NFIB: variants seen among roughly 807,000 people sequenced by gnomAD.
The protein encoded by NFIB is nuclear factor I B, also known as nuclear factor 1 B-type.
Under a neutral mutation model 61.5 loss-of-function variants are expected in NFIB, and 11 were observed. The ratio of observed to expected loss-of-function variants is 0.18; its 90% CI spans 0.11 to 0.30. The LOEUF (loss-of-function observed/expected upper bound fraction) is 0.30, where lower values mean the gene tolerates loss of function less well. NFIB is among the 10% of genes least tolerant of loss of function. The pLI, the probability that NFIB is intolerant of heterozygous loss-of-function variation, is 1.00. For synonymous variants in NFIB, 260 were observed against 216.5 expected (o/e 1.20, Z -1.76); for missense variants, 471 against 608.9 (o/e 0.77, Z 2.38).
intron 3 of NFIB, among the ~76,000 whole-genome samples, chr9:14,159,365 C>A (rs2043864257): frequency 6.6e-6 from 1 of 152,140 alleles, no homozygotes; most frequent in South Asian, 2.1e-4. Context: ...TCTTTGGAAC[C>A]TACTGGATAA....
the NFIB span, among the ~76,000 whole-genome samples, chr9:14,490,892 G>A: frequency 2.0e-5 from 3 of 152,146 alleles, no homozygotes; most frequent in African/African-American, 7.2e-5. Context: ...TGTAACCCTA[G>A]TTTTATACCC....
intron 10 of NFIB, chr9:14,096,221 A>G (rs921256794): frequency 2.0e-5 from 3 of 152,136 alleles, no homozygotes; most frequent in Admixed American, 6.6e-5. Flanking sequence ...GGGGTTTAAT[A>G]TACTTCCTTT....
chr9:14,140,587 T>C (rs1177906808), intron 6 of NFIB, among the ~76,000 whole-genome samples: 1 of 152,236 alleles, frequency 6.6e-6, no homozygotes, highest in Non-Finnish European at 1.5e-5. Flanking sequence ...CAAATTTAGC[T>C]GACCACTCTT....
At chr9:14,359,650 A>C (rs2061215866) in intron 1 of NFIB, among the ~76,000 whole-genome samples, 1 of 152,160 alleles carries the variant, frequency 6.6e-6, no homozygotes, top group Admixed American at 6.5e-5. Context: ...ACTATTAATA[A>C]TACACCAGCT....
At chr9:14,274,043 C>T (rs528226605) in intron 2 of NFIB, among the ~76,000 whole-genome samples, 11 of 152,206 alleles carry the variant, frequency 7.2e-5, no homozygotes, top group African/African-American at 2.6e-4. Flanking sequence ...GTTAAAAGAG[C>T]CACGATACTG....
intron 1 of NFIB, among the ~76,000 whole-genome samples, chr9:14,309,053 G>A (rs1269742365): frequency 6.6e-6 from 1 of 152,128 alleles, no homozygotes; most frequent in East Asian, 1.9e-4. Flanking sequence ...TGATCATATT[G>A]ACTATACTGT....
At chr9:14,160,609 G>C (rs1423426851) in intron 3 of NFIB, among the ~76,000 whole-genome samples, 4 of 152,094 alleles carry the variant, frequency 2.6e-5, no homozygotes, top group Non-Finnish European at 4.4e-5. Flanking sequence ...AAAAAGGCAT[G>C]TGAAATTTTG....
chr9:14,264,518 C>CTG (rs895842034), intron 2 of NFIB, among the ~76,000 whole-genome samples: 1 of 152,190 alleles, frequency 6.6e-6, no homozygotes, highest in African/African-American at 2.4e-5. Flanking sequence ...AGACATATTA[C>CTG]TGTGGTTTCT....
At chr9:14,482,286 C>T in the NFIB span, among the ~76,000 whole-genome samples, 2 of 152,114 alleles carry the variant, frequency 1.3e-5, no homozygotes, top group African/African-American at 4.8e-5. Flanking sequence ...GTGCCCTGAC[C>T]AAGGGCATAG....
chr9:14,388,453 AAGAG>A (rs1277879816), intron 1 of NFIB, among the ~76,000 whole-genome samples: 2 of 144,618 alleles, frequency 1.4e-5, no homozygotes, highest in African/African-American at 5.1e-5. Flanking sequence ...AGGGAGAAAA[AAGAG>A]AGAAAGAAAA....
intron 6 of NFIB, among the ~76,000 whole-genome samples, chr9:14,128,311 G>C (rs149919060): frequency 3.3e-5 from 5 of 152,130 alleles, no homozygotes; most frequent in African/African-American, 1.2e-4. Context: ...CTTTACCTAT[G>C]TTTAAATATA....
chr9:14,385,099 C>T (rs1220849342), intron 1 of NFIB, among the ~76,000 whole-genome samples: 5 of 152,194 alleles, frequency 3.3e-5, no homozygotes, highest in Admixed American at 3.3e-4. Context: ...AGCTAACAAT[C>T]CTCAGGGCTC....
At chr9:14,530,137 C>T in the NFIB span, among the ~76,000 whole-genome samples, 2 of 152,172 alleles carry the variant, frequency 1.3e-5, no homozygotes, top group South Asian at 4.1e-4. Context: ...TTAAAACTCA[C>T]TTCTTAGAAC....
intron 3 of NFIB, among the ~76,000 whole-genome samples, chr9:14,176,621 C>T (rs989014055): frequency 2.0e-5 from 3 of 152,002 alleles, no homozygotes. Flanking sequence ...GTTGCCTTTG[C>T]TGCTTGTGCT....
At position 14,291,729 on chromosome 9, in the gene NFIB, C is replaced by T. The variant is rs116137253; in HGVS notation, c.562+15260G>A. Among the ~76,000 whole-genome samples the T allele has an allele frequency of 4.2e-3, 632 of 151,786 alleles. 3 individuals carry two copies. Among genetic ancestry groups the T allele is most frequent in the African/African-American group, 0.015 (609 of 41,394 alleles). On this transcript the variant is annotated intron_variant, in intron 2 of 10. Coordinates refer to ENST00000380953, the MANE Select transcript of NFIB (RefSeq NM_001190737.2). Reference sequence around the variant, plus strand: ...ATCAAGCTAATCGGAAAATTACAAACACCCAAAAGCAGAACTTCTAACAGC... The same window carrying T: ...ATCAAGCTAATCGGAAAATTACAAATACCCAAAAGCAGAACTTCTAACAGC...
chr9:14,348,323 G>A (rs1044469602), intron 1 of NFIB, among the ~76,000 whole-genome samples: 7 of 142,248 alleles, frequency 4.9e-5, no homozygotes, highest in Non-Finnish European at 9.0e-5. Context: ...GGGTTCTGTA[G>A]TAACTACCGG....
chr9:14,124,078 C>T (rs556616816), intron 7 of NFIB, among the ~76,000 whole-genome samples: 12 of 152,122 alleles, frequency 7.9e-5, no homozygotes, highest in East Asian at 1.9e-4. Context: ...AGGACAGAAA[C>T]GATCTTTCTG....
At chr9:14,163,007 T>C (rs965948862) in intron 3 of NFIB, among the ~76,000 whole-genome samples, 1 of 152,056 alleles carries the variant, frequency 6.6e-6, no homozygotes, top group Non-Finnish European at 1.5e-5. Context: ...ACTATCACCA[T>C]TTACTATGTA....
chr9:14,472,763 C>T, the NFIB span, among the ~76,000 whole-genome samples: 2 of 151,878 alleles, frequency 1.3e-5, no homozygotes, highest in African/African-American at 4.8e-5. Flanking sequence ...ATGGCGTGAA[C>T]CCAGGAGGTG....
Sources: allele counts gnomAD v4.1 joint callset (sites outside exome capture counted in the v4.1 genomes callset), GRCh38; gene constraint gnomAD v4.1.1; transcripts MANE v1.5; gene names NCBI Gene and HGNC (gene_info 2026-07-23, HGNC 2026-07-21).